TMEM108: variants seen among roughly 807,000 people sequenced by gnomAD.
TMEM108 encodes transmembrane protein 108.
TMEM108 carries 12 observed loss-of-function variants against 35.1 expected under a neutral mutation model. The ratio of observed to expected loss-of-function variants is 0.34; its 90% CI spans 0.22 to 0.55. The LOEUF (loss-of-function observed/expected upper bound fraction) is 0.55. Among genes scored for constraint, TMEM108 ranks in the 20% least tolerant of loss-of-function variants. TMEM108 has a pLI of 0.89. For synonymous variants in TMEM108, 287 were observed against 308.6 expected, an observed-to-expected ratio of 0.93 and a Z score of 0.73; for missense variants, 680 against 753.3, an observed-to-expected ratio of 0.90 and a Z score of 1.14.
At chr3:133,145,509 A>G (rs187906069) in intron 2 of TMEM108, among the ~76,000 whole-genome samples, 335 of 152,228 alleles carry the variant, frequency 2.2e-3, no homozygotes, top group African/African-American at 7.7e-3. Context: ...AAGAAAGTCA[A>G]TGGAAGCTTG....
intron 3 of TMEM108, among the ~76,000 whole-genome samples, chr3:133,237,833 G>C (rs1411267925): frequency 6.6e-6 from 1 of 152,126 alleles, no homozygotes; most frequent in Non-Finnish European, 1.5e-5. Flanking sequence ...TATTTGTTAA[G>C]AGTAATGAGT....
At chr3:133,310,974 G>A (rs1302526603) in intron 3 of TMEM108, among the ~76,000 whole-genome samples, 4 of 152,102 alleles carry the variant, frequency 2.6e-5, no homozygotes, top group South Asian at 4.1e-4. Context: ...TTTCTCCTTC[G>A]CTTATGAAGC....
chr3:133,197,341 C>T (rs553012388), intron 2 of TMEM108, among the ~76,000 whole-genome samples: 1 of 152,074 alleles, frequency 6.6e-6, no homozygotes, highest in South Asian at 2.1e-4. Flanking sequence ...TATGAGCAGG[C>T]GGTTTATTTG....
chr3:133,375,433 C>T (rs2072807138), intron 3 of TMEM108, among the ~76,000 whole-genome samples: 2 of 152,204 alleles, frequency 1.3e-5, no homozygotes, highest in Admixed American at 6.5e-5. Context: ...TAGCTTTAGT[C>T]TCTACTACAT....
chr3:133,194,337 A>G (rs1945545732), intron 2 of TMEM108, among the ~76,000 whole-genome samples: 1 of 152,106 alleles, frequency 6.6e-6, no homozygotes, highest in Non-Finnish European at 1.5e-5. Flanking sequence ...CTTCCTTGAG[A>G]TTCTGACTTC....
chr3:133,139,398 T>C (rs1944611205), intron 2 of TMEM108, among the ~76,000 whole-genome samples: 1 of 152,236 alleles, frequency 6.6e-6, no homozygotes, highest in South Asian at 2.1e-4. Context: ...ACTAACTTTT[T>C]AGAAACTCTT....
At chr3:133,056,185 A>G (rs1399219434) in intron 2 of TMEM108, among the ~76,000 whole-genome samples, 1 of 139,932 alleles carries the variant, frequency 7.1e-6, no homozygotes, top group Non-Finnish European at 1.6e-5. Context: ...ATAAGTTGGC[A>G]TAAAGACACA....
chr3:133,148,494 G>T (rs1944753337), intron 2 of TMEM108, among the ~76,000 whole-genome samples: 1 of 152,134 alleles, frequency 6.6e-6, no homozygotes, highest in African/African-American at 2.4e-5. Context: ...TGAGGATATG[G>T]ACTGCTTACA....
chr3:133,277,778 G>A (rs1238061531), intron 3 of TMEM108, among the ~76,000 whole-genome samples: 1 of 152,224 alleles, frequency 6.6e-6, no homozygotes, highest in African/African-American at 2.4e-5. Flanking sequence ...CCATGCAACA[G>A]ATATTTCCCC....
At chr3:133,310,394 G>C (rs185324275) in intron 3 of TMEM108, among the ~76,000 whole-genome samples, 1 of 151,990 alleles carries the variant, frequency 6.6e-6, no homozygotes, top group Non-Finnish European at 1.5e-5. Flanking sequence ...TCCTGTATTG[G>C]GTGCATATAT....
chr3:133,228,135 A>G (rs183340340), intron 2 of TMEM108, among the ~76,000 whole-genome samples: 11 of 152,196 alleles, frequency 7.2e-5, no homozygotes, highest in East Asian at 1.9e-4. Context: ...TATATTCCCA[A>G]TCACTGAATT....
intron 2 of TMEM108, among the ~76,000 whole-genome samples, chr3:133,213,156 C>T (rs1945858691): frequency 6.6e-6 from 1 of 152,188 alleles, no homozygotes; most frequent in Admixed American, 6.5e-5. Context: ...ATATTCATTC[C>T]TTCTGTTTTC....
intron 2 of TMEM108, among the ~76,000 whole-genome samples, chr3:133,209,622 C>T (rs1057273768): frequency 3.3e-5 from 5 of 152,122 alleles, no homozygotes; most frequent in Admixed American, 6.5e-5. Flanking sequence ...CTTCCTGCCC[C>T]GCTTCTCTGT....
At chr3:133,081,142 G>A (rs10512886) in intron 2 of TMEM108, among the ~76,000 whole-genome samples, 22,311 of 152,146 alleles carry the variant, frequency 0.15, 1,629 homozygotes, top group East Asian at 0.19. Flanking sequence ...TTCTCATCTG[G>A]ACGTTTCACT....
intron 2 of TMEM108, among the ~76,000 whole-genome samples, chr3:133,205,143 T>TC (rs397936552): frequency 0.035 from 5,217 of 150,990 alleles, 278 homozygotes; most frequent in African/African-American, 0.11. Flanking sequence ...TTTTTTTTTT[T>TC]CTTTCCATTT....
chr3:133,133,888 C>T (rs549111572), intron 2 of TMEM108, among the ~76,000 whole-genome samples: 46 of 151,646 alleles, frequency 3.0e-4, no homozygotes, highest in Admixed American at 2.8e-3. Context: ...CTCAGCCTCC[C>T]GAGTAGCTGG....
At chr3:133,161,954 A>T (rs1299030221) in intron 2 of TMEM108, among the ~76,000 whole-genome samples, 1 of 152,240 alleles carries the variant, frequency 6.6e-6, no homozygotes, top group Non-Finnish European at 1.5e-5. Flanking sequence ...GTCAGGAGCC[A>T]CACAGGCACA....
intron 4 of TMEM108, chr3:133,389,641 G>A (rs2107858480): frequency 1.4e-5 from 2 of 147,676 alleles, no homozygotes; most frequent in South Asian, 2.2e-4. Flanking sequence ...AGCCAAGATT[G>A]CGCCACTGCA....
rs777796400 is a variant in TMEM108, at chr3:133,381,170, C to T, written c.1450+9C>T. 24 of 1,580,610 alleles carry T rather than the reference C, an allele frequency of 1.5e-5. No homozygotes were observed. The highest frequency in any genetic ancestry group is 2.0e-5 in the Non-Finnish European group (23 of 1,159,366). ...GCCCATCTCCTCCTGCTGTAAGTGC[C>T]GCCCTCTCCCACCCATCCTCTCCCT... On this transcript the variant is annotated intron_variant, in intron 4 of 5. Transcript: ENST00000321871.
Sources: gnomAD v4.1 joint callset for allele counts (sites outside exome capture counted in the v4.1 genomes callset) on GRCh38, gnomAD v4.1.1 for gene constraint, MANE v1.5 for transcripts, NCBI Gene and HGNC (gene_info 2026-07-23, HGNC 2026-07-21) for gene names.